Variants in CADPS observed in about 807,000 individuals in gnomAD.
The protein encoded by CADPS is calcium dependent secretion activator.
A neutral mutation model predicts 167.3 loss-of-function variants in CADPS; 57 were observed. The observed-to-expected ratio is 0.34, with a 90% CI of 0.28 to 0.42. CADPS has a LOEUF of 0.42. Ranked by LOEUF, CADPS falls within the 20% of genes least tolerant of loss-of-function variation. The pLI, the probability that CADPS is intolerant of heterozygous loss-of-function variation, is 1.00. For missense variants in CADPS, 1,414 were observed against 1,738.1 expected, an observed-to-expected ratio of 0.81 and a Z score of 3.32; for synonymous variants, 676 against 635.3, an observed-to-expected ratio of 1.06 and a Z score of -0.96.
intron 3 of CADPS, among the ~76,000 whole-genome samples, chr3:62,704,782 A>G (rs1469284579): frequency 3.3e-5 from 5 of 152,198 alleles, no homozygotes; most frequent in Non-Finnish European, 1.5e-5. Context: ...AGTATCAAAC[A>G]GCACCTGATA....
chr3:62,521,303 G>C (rs2070520851), intron 13 of CADPS, among the ~76,000 whole-genome samples: 1 of 152,162 alleles, frequency 6.6e-6, no homozygotes, highest in Non-Finnish European at 1.5e-5. Context: ...TCTTAGGTTG[G>C]AGTGGATTTG....
chr3:62,400,930 C>T (rs952520107), intron 29 of CADPS, among the ~76,000 whole-genome samples: 1 of 152,098 alleles, frequency 6.6e-6, no homozygotes, highest in East Asian at 1.9e-4. Flanking sequence ...CCATCTAATG[C>T]GGTCATGATA....
intron 1 of CADPS, among the ~76,000 whole-genome samples, chr3:62,852,443 G>C (rs906688449): frequency 2.6e-5 from 4 of 151,990 alleles, no homozygotes; most frequent in African/African-American, 9.7e-5. Flanking sequence ...CATTTTCTTT[G>C]AGATTACTTT....
chr3:62,810,150 C>T (rs997933395), intron 1 of CADPS, among the ~76,000 whole-genome samples: 1 of 152,108 alleles, frequency 6.6e-6, no homozygotes, highest in African/African-American at 2.4e-5. Context: ...CCCTAAGATC[C>T]CTTTCAGCTC....
intron 2 of CADPS, among the ~76,000 whole-genome samples, chr3:62,757,140 T>C (rs1340886095): frequency 6.6e-6 from 1 of 152,150 alleles, no homozygotes; most frequent in Non-Finnish European, 1.5e-5. Flanking sequence ...GGTTAAGCCT[T>C]TGTTGTCAGT....
chr3:62,423,207 G>A (rs2051846660), intron 28 of CADPS, among the ~76,000 whole-genome samples: 1 of 152,214 alleles, frequency 6.6e-6, no homozygotes. Context: ...TTTAGGACCA[G>A]GGTCTGCTGG....
chr3:62,741,369 C>T (rs182205105), intron 3 of CADPS, among the ~76,000 whole-genome samples: 1 of 152,128 alleles, frequency 6.6e-6, no homozygotes, highest in Admixed American at 6.5e-5. Flanking sequence ...GATGTAAAAT[C>T]CTCAGCAAAA....
chr3:62,756,871 G>A (rs980727987), intron 2 of CADPS, among the ~76,000 whole-genome samples: 2 of 152,066 alleles, frequency 1.3e-5, no homozygotes, highest in African/African-American at 4.8e-5. Context: ...GGCAGGGAGG[G>A]GCCAGAGAGT....
rs141787208 is a variant in CADPS at position 62,650,854 on chromosome 3, G to A, written c.1196C>T (p.Ser399Leu). ...GGGCTCAGGGCTTTTTACCTCCAAT[G>A]AGAAAGACAGCACGACATCTGACTT... Reference protein sequence around the residue: ...LSKSDVVLSFSLEVVIMEVQG... With the variant: ...LSKSDVVLSFLLEVVIMEVQG... The change falls in exon 5 of 30, where the codon TCA becomes TTA. Residue 399 changes from serine (S) to leucine (L), a missense_variant. Ser to Leu is a moderately radical substitution (Grantham distance 145). This residue lies in a region of CADPS where 522 missense variants were observed against 559.5 expected (regional missense o/e 0.93). Transcript: ENST00000383710. The A allele has an allele frequency of 3.7e-5, 59 of 1,613,446 alleles. No homozygotes were observed. The highest frequency in any genetic ancestry group is 4.7e-5 in the Non-Finnish European group (55 of 1,179,644).
chr3:62,684,185 T>C (rs1166663378), intron 3 of CADPS, among the ~76,000 whole-genome samples: 1 of 152,098 alleles, frequency 6.6e-6, no homozygotes, highest in African/African-American at 2.4e-5. Context: ...AATTTATTAA[T>C]TCATCCAATT....
intron 5 of CADPS, among the ~76,000 whole-genome samples, chr3:62,649,541 GTCTTTTTTT>G (rs2069488497): frequency 1.3e-4 from 10 of 75,004 alleles, no homozygotes; most frequent in East Asian, 4.3e-4. Flanking sequence ...ACAATATGTG[GTCTTTTTTT>G]TTTTTTTTTT....
At chr3:62,442,050 T>C (rs2056399840) in intron 27 of CADPS, among the ~76,000 whole-genome samples, 1 of 152,116 alleles carries the variant, frequency 6.6e-6, no homozygotes, top group East Asian at 1.9e-4. Context: ...AAAACAATTA[T>C]GTGCCCATTA....
chr3:62,584,429 T>C (rs767476948), intron 8 of CADPS, among the ~76,000 whole-genome samples: 2 of 152,214 alleles, frequency 1.3e-5, no homozygotes, highest in Non-Finnish European at 2.9e-5. Context: ...TGATAGCCAG[T>C]TGGCAGCGTA....
chr3:62,620,724 G>A (rs775726593), intron 6 of CADPS, among the ~76,000 whole-genome samples: 15 of 152,144 alleles, frequency 9.9e-5, no homozygotes, highest in Non-Finnish European at 1.9e-4. Flanking sequence ...CTTCTTAGGA[G>A]TGGAACTGGC....
intron 28 of CADPS, among the ~76,000 whole-genome samples, chr3:62,415,432 G>A (rs995611568): frequency 2.0e-5 from 3 of 151,948 alleles, no homozygotes; most frequent in Non-Finnish European, 2.9e-5. Flanking sequence ...GCCACAGCTC[G>A]CCCCAGGGGT....
intron 1 of CADPS, among the ~76,000 whole-genome samples, chr3:62,859,631 T>C (rs898523781): frequency 2.0e-5 from 3 of 152,178 alleles, no homozygotes; most frequent in African/African-American, 7.2e-5. Flanking sequence ...ATAGGCTGCC[T>C]GTGGAAAGAA....
At chr3:62,626,280 A>G in intron 6 of CADPS, 1 of 398,038 alleles carries the variant, frequency 2.5e-6, no homozygotes, top group Non-Finnish European at 4.4e-6. Flanking sequence ...TTGAGTGTTC[A>G]CATTCAACAA....
intron 3 of CADPS, among the ~76,000 whole-genome samples, chr3:62,698,096 C>T (rs1020399253): frequency 6.6e-6 from 1 of 152,006 alleles, no homozygotes; most frequent in African/African-American, 2.4e-5. Flanking sequence ...TTGATCCTTA[C>T]TTTCCTCTTC....
In CADPS at chr3:62,585,297, G is replaced by A; in HGVS notation, c.1465C>T (p.Pro489Ser). 1 of 1,612,832 alleles carries A rather than the reference G, an allele frequency of 6.2e-7. No individual in the cohort carries two copies. The highest frequency in any genetic ancestry group is 8.5e-7 in the Non-Finnish European group (1 of 1,179,178). Residue 489 changes from proline to serine, a missense_variant, in exon 8 of 30, where the codon CCC becomes TCC. Physicochemically the swap from Pro to Ser is moderately conservative, Grantham distance 74. Around this residue, in one of 6 missense-constraint regions of CADPS, gnomAD observed 157 missense variants for 229.4 expected, o/e 0.68. Coordinates refer to ENST00000383710, the MANE Select transcript of CADPS (RefSeq NM_003716.4). ...ATTTTGTGCCACTCTGACTGTTTGG[G>A]GCTGTTCGGGGTGGGATGGAGAATA... Reference protein sequence around the residue: ...RVILHPTPNSPKQSEWHKMTV... With the variant: ...RVILHPTPNSSKQSEWHKMTV...
Sources: allele counts gnomAD v4.1 joint callset (sites outside exome capture counted in the v4.1 genomes callset), GRCh38; gene constraint gnomAD v4.1.1; regional missense constraint gnomAD v4.1.1; transcripts MANE v1.5; gene names NCBI Gene and HGNC (gene_info 2026-07-23, HGNC 2026-07-21).